Variants in ZNF664 observed in about 807,000 individuals in gnomAD.
ZNF664 encodes zinc finger protein 664, also known as zinc finger Organ of Corti 1.
In ZNF664, 10 loss-of-function variants were observed where a neutral mutation model predicts 18.2. The ratio of observed to expected loss-of-function variants is 0.55; its 90% CI spans 0.34 to 0.93. The LOEUF is 0.93. Among genes scored for constraint, ZNF664 ranks in the 40% least tolerant of loss-of-function variants. The probability of loss-of-function intolerance (pLI) is 0.02; values close to 1 mark genes in which losing one functional copy is unlikely to be tolerated. For synonymous variants in ZNF664, 119 were observed against 104.2 expected (o/e 1.14, Z -0.86); for missense variants, 193 against 319.0 (o/e 0.61, Z 3.01).
rs1395856831 is a variant in ZNF664 at position 124,013,219 on chromosome 12, A to G, written c.*289A>G. 4.7e-6 allele frequency: 2 copies of G among 426,942 alleles called. No homozygotes were observed. Among genetic ancestry groups the G allele is most frequent in the Middle Eastern group, 6.9e-4 (1 of 1,456 alleles). The allele number at this position is 426,942 out of a possible 1,614,324, so 26.4% of individuals were successfully genotyped here. A position where few individuals can be genotyped will look rare whatever the true frequency, so the allele number is the denominator to read the frequency against. ...CCTCCATAGTTGAAAGACTACACAAAAAGCCACAATCATTGCCCGGCCTCC... is the reference window on the plus strand; with the variant it reads ...CCTCCATAGTTGAAAGACTACACAAGAAGCCACAATCATTGCCCGGCCTCC... On this transcript the variant is annotated 3_prime_UTR_variant, in exon 5 of 5. Coordinates refer to ENST00000337815, the MANE Select transcript of ZNF664 (RefSeq NM_152437.3).
chr12:124,010,143 T>A (rs996921091), intron 3 of ZNF664, among the ~76,000 whole-genome samples: 1 of 152,222 alleles, frequency 6.6e-6, no homozygotes, highest in African/African-American at 2.4e-5. Flanking sequence ...AAAGGATAGA[T>A]GCAAACATAA....
At chr12:123,996,207 G>A (rs1956946307) in intron 3 of ZNF664, among the ~76,000 whole-genome samples, 1 of 152,220 alleles carries the variant, frequency 6.6e-6, no homozygotes, top group Non-Finnish European at 1.5e-5. Flanking sequence ...AACCTTAAGA[G>A]ATGCAAGTAT....
chr12:124,011,425 C>A lies in ZNF664; in HGVS notation c.-616C>A, dbSNP rs776826251. ...ACATCTTTGGAAGATAAGAGAGCTT[C>A]TTCAAGACCAAAAAAGGTTTGTGTT... On this transcript the variant is annotated 5_prime_UTR_variant, in exon 4 of 5. Transcript: ENST00000337815. 6.7e-4 allele frequency: 669 copies of A among 998,074 alleles called. 2 individuals carry two copies. Among genetic ancestry groups the A allele is most frequent in the Admixed American group, 1.8e-3 (30 of 16,444 alleles). 61.8% of individuals were successfully genotyped at this position (998,074 alleles called of 1,614,324 possible).
chr12:123,978,058 A>C (rs1242179166), intron 2 of ZNF664, among the ~76,000 whole-genome samples: 2 of 152,194 alleles, frequency 1.3e-5, no homozygotes, highest in Admixed American at 1.3e-4. Context: ...AGGCACCTAC[A>C]GGGCACTCAA....
chr12:124,012,128 G>T lies in ZNF664; in HGVS notation c.-17G>T, dbSNP rs768121363. Reference sequence around the variant, plus strand: ...AAGGAAATTTTCTCCTTGAAATCACGATACCAAATAGGAAAAATGATCTAC... The same window carrying T: ...AAGGAAATTTTCTCCTTGAAATCACTATACCAAATAGGAAAAATGATCTAC... On this transcript the variant is annotated 5_prime_UTR_variant, in exon 5 of 5. Transcript: ENST00000337815. The T allele has an allele frequency of 1.3e-6, 2 of 1,585,802 alleles. No homozygotes were observed. The highest frequency in any genetic ancestry group is 4.5e-5 in the East Asian group (2 of 44,730).
At chr12:123,982,108 T>C (rs1353337150) in intron 2 of ZNF664, among the ~76,000 whole-genome samples, 1 of 152,108 alleles carries the variant, frequency 6.6e-6, no homozygotes, top group Non-Finnish European at 1.5e-5. Flanking sequence ...CTGGGAGTGA[T>C]TTCTCTTCAT....
Position 124,014,279 on chromosome 12 carries a change from C to T in ZNF664, c.*1349C>T, listed in dbSNP as rs1407512590. 1 of 167,096 alleles carries T rather than the reference C, an allele frequency of 6.0e-6. No homozygotes were observed. The highest frequency in any genetic ancestry group is 6.5e-5 in the Admixed American group (1 of 15,270). The allele number at this position is 167,096 out of a possible 1,614,324, so 10.4% of individuals were successfully genotyped here. On this transcript the variant is annotated 3_prime_UTR_variant, in exon 5 of 5. Coordinates refer to ENST00000337815, the MANE Select transcript of ZNF664 (RefSeq NM_152437.3). ...GGAGAAGTAGCAGTCGCTGGCAGAG[C>T]ACACAGGCTGCTCTGGGGGATGAGC...
At chr12:123,997,680 C>T (rs1423000744) in intron 3 of ZNF664, 1 of 152,170 alleles carries the variant, frequency 6.6e-6, no homozygotes, top group East Asian at 1.9e-4. Context: ...ATTACATCTG[C>T]AAAGACCCTG....
chr12:123,982,789 G>T (rs1956781420), intron 2 of ZNF664, among the ~76,000 whole-genome samples: 1 of 152,154 alleles, frequency 6.6e-6, no homozygotes, highest in South Asian at 2.1e-4. Context: ...AGTTTCAAAC[G>T]GCCTAGAGAT....
chr12:124,005,956 A>T (rs571505651), intron 3 of ZNF664: 2 of 152,566 alleles, frequency 1.3e-5, no homozygotes, highest in Non-Finnish European at 2.9e-5. Flanking sequence ...TCTTGCACGG[A>T]GGTCATAGCC....
At chr12:123,983,066 C>T (rs539125944) in intron 2 of ZNF664, among the ~76,000 whole-genome samples, 62 of 152,154 alleles carry the variant, frequency 4.1e-4, no homozygotes, top group African/African-American at 1.4e-3. Context: ...GAGGTGGGAG[C>T]ATCACTGGAA....
Position 124,013,157 on chromosome 12 carries a change from A to G in ZNF664, c.*227A>G. On this transcript the variant is annotated 3_prime_UTR_variant, in exon 5 of 5. Transcript: ENST00000337815. ...CCACGCAGGATGGCTCTCAGGTCCC[A>G]GTCACAGACGTCGCTTCCTGGGATT... 3.3e-6 allele frequency: 2 copies of G among 610,714 alleles called. No individual in the cohort carries two copies. Among genetic ancestry groups the G allele is most frequent in the Non-Finnish European group, 5.6e-6 (2 of 354,996 alleles). 37.8% of individuals were successfully genotyped at this position (610,714 alleles called of 1,614,324 possible).
At position 123,974,372 on chromosome 12, in the gene ZNF664, T is replaced by C. The variant is rs1956655852; in HGVS notation, c.-757+352T>C. On this transcript the variant is annotated intron_variant, in intron 2 of 4. Transcript: ENST00000337815. ...AAAGATTTCTGAGCTATTGCCTTCT[T>C]CAAGGAACGTTTTCTGATATTTACA... 4 of 214,670 alleles carry C rather than the reference T, an allele frequency of 1.9e-5. No individual in the cohort carries two copies. In the East Asian group the frequency reaches 3.8e-4, roughly 21 times the overall value. 13.3% of individuals were successfully genotyped at this position (214,670 alleles called of 1,614,324 possible). A position where few individuals can be genotyped will look rare whatever the true frequency, so the allele number is the denominator to read the frequency against.
chr12:123,974,180 C>T, intron 2 of ZNF664, 160 bp downstream of exon 2: 1 of 443,250 alleles, frequency 2.3e-6, no homozygotes, highest in East Asian at 3.5e-5. Context: ...TCCATCTCTC[C>T]GCCACATCAC....
At chr12:123,975,372 A>T (rs1425721358) in intron 2 of ZNF664, among the ~76,000 whole-genome samples, 2 of 151,726 alleles carry the variant, frequency 1.3e-5, no homozygotes, top group Non-Finnish European at 2.9e-5. Context: ...CTTCTTAACA[A>T]TATTTTGCAA....
chr12:123,988,695 G>A (rs766289745), intron 3 of ZNF664, among the ~76,000 whole-genome samples: 1 of 152,054 alleles, frequency 6.6e-6, no homozygotes, highest in Non-Finnish European at 1.5e-5. Flanking sequence ...ACTTGATTCT[G>A]AGTGTCATTG....
Position 124,011,857 on chromosome 12 carries a change from C to T in ZNF664, c.-288C>T. On this transcript the variant is annotated 5_prime_UTR_variant, in exon 5 of 5. It introduces an in-frame stop codon into an upstream open reading frame of the 5' UTR. Transcript: ENST00000337815. Reference sequence around the variant, plus strand: ...AGAGCCCCTTGGAATGTTGACAACTCAGGATCTAAAACAAAGTTCTGTGTT... The same window carrying T: ...AGAGCCCCTTGGAATGTTGACAACTTAGGATCTAAAACAAAGTTCTGTGTT... The T allele has an allele frequency of 8.3e-7, 1 of 1,210,342 alleles. No individual in the cohort carries two copies. Among genetic ancestry groups the T allele is most frequent in the African/African-American group, 1.6e-5 (1 of 63,270 alleles). 75.0% of individuals were successfully genotyped at this position (1,210,342 alleles called of 1,614,324 possible).
intron 3 of ZNF664, 102 bp downstream of exon 3, chr12:123,988,240 T>C: frequency 1.8e-6 from 2 of 1,100,832 alleles, no homozygotes; most frequent in Non-Finnish European, 1.2e-6. Flanking sequence ...CATGTGCCCT[T>C]TGGGCTCAGT....
At chr12:124,004,324 T>C (rs542060264) in intron 3 of ZNF664, among the ~76,000 whole-genome samples, 36 of 152,018 alleles carry the variant, frequency 2.4e-4, no homozygotes, top group African/African-American at 8.4e-4. Context: ...AGGACAAAGA[T>C]TGAAAGAGGA....
Sources: gnomAD v4.1 joint callset for allele counts (sites outside exome capture counted in the v4.1 genomes callset) on GRCh38, gnomAD v4.1.1 for gene constraint, MANE v1.5 for transcripts, NCBI Gene and HGNC (gene_info 2026-07-23, HGNC 2026-07-21) for gene names.